Variants in PKP4 observed in about 807,000 individuals in gnomAD.
The protein encoded by PKP4 is plakophilin 4.
PKP4 carries 90 observed loss-of-function variants against 145.1 expected under a neutral mutation model. The observed-to-expected ratio is 0.62, with a 90% CI of 0.52 to 0.74. The LOEUF is 0.74. Among genes scored for constraint, PKP4 ranks in the 30% least tolerant of loss-of-function variants. The pLI is 0.00. For synonymous variants in PKP4, 563 were observed against 577.2 expected (o/e 0.98, Z 0.35); for missense variants, 1,340 against 1,482.7 (o/e 0.90, Z 1.58).
At position 158,676,862 on chromosome 2, in the gene PKP4, A is replaced by G. The variant is rs2058055428; in HGVS notation, c.3251A>G (p.Tyr1084Cys). ...GGGGATGCCACACATAAAGGCCTGT[A>G]CCCTGGTAAGACGCCAGTTGGGTGT... ...SQGDATHKGL[Y>C]PGSSKPSPIY... Residue 1084 changes from tyrosine (Y) to cysteine (C), a missense_variant, in exon 20 of 22, where the codon TAC becomes TGC. Transcript: ENST00000389759. 1 of 1,613,940 alleles carries G rather than the reference A, an allele frequency of 6.2e-7. No individual in the cohort carries two copies. The highest frequency in any genetic ancestry group is 8.5e-7 in the Non-Finnish European group (1 of 1,179,974).
At chr2:158,644,685 C>T (rs544283374) in intron 11 of PKP4, among the ~76,000 whole-genome samples, 14 of 152,218 alleles carry the variant, frequency 9.2e-5, no homozygotes, top group Admixed American at 2.0e-4. Context: ...GATATATGCA[C>T]ATGCAATAAA....
At chr2:158,555,138 G>A (rs1042624085) in intron 2 of PKP4, among the ~76,000 whole-genome samples, 1 of 152,290 alleles carries the variant, frequency 6.6e-6, no homozygotes, top group Middle Eastern at 3.4e-3. Context: ...AAGGCAACAT[G>A]CAACATCAGC....
At chr2:158,515,781 C>T (rs1189136984) in intron 1 of PKP4, among the ~76,000 whole-genome samples, 1 of 152,054 alleles carries the variant, frequency 6.6e-6, no homozygotes. Context: ...CCTGGTGGTG[C>T]ACACCTGTAA....
Position 158,680,894 on chromosome 2 carries a change from T to TTA in PKP4, c.*220_*221dup. 3 of 493,428 alleles carry TTA rather than the reference T, an allele frequency of 6.1e-6. No individual in the cohort carries two copies. Among genetic ancestry groups the TTA allele is most frequent in the Non-Finnish European group, 1.1e-5 (3 of 282,168 alleles). The allele number at this position is 493,428 out of a possible 1,614,324, so 30.6% of individuals were successfully genotyped here. On this transcript the variant is annotated 3_prime_UTR_variant, in exon 22 of 22. Transcript: ENST00000389759. ...CTATTTAGGTGTTAGATCTAATTAC[T>TTA]TATAGATTCTGTAGTCTGGTGAAGG...
At chr2:158,671,861 A>T (rs1381287929) in intron 17 of PKP4, among the ~76,000 whole-genome samples, 1 of 152,236 alleles carries the variant, frequency 6.6e-6, no homozygotes, top group Non-Finnish European at 1.5e-5. Context: ...CTAGTCAATG[A>T]AGGCCTTGCA....
At chr2:158,523,156 G>A (rs1414518743) in intron 1 of PKP4, among the ~76,000 whole-genome samples, 3 of 152,032 alleles carry the variant, frequency 2.0e-5, no homozygotes, top group African/African-American at 4.8e-5. Flanking sequence ...GCCTGCCTCT[G>A]TAGGCTCCAC....
chr2:158,589,486 G>A (rs560166615), intron 3 of PKP4, among the ~76,000 whole-genome samples: 29 of 152,216 alleles, frequency 1.9e-4, no homozygotes, highest in African/African-American at 6.7e-4. Flanking sequence ...GAGAGTCCTC[G>A]TCTCCAGCCC....
At chr2:158,626,705 C>A (rs1409198635) in intron 7 of PKP4, among the ~76,000 whole-genome samples, 2 of 152,288 alleles carry the variant, frequency 1.3e-5, no homozygotes, top group East Asian at 1.9e-4. Context: ...CTTTGCCAAT[C>A]TGATAGGTAA....
chr2:158,586,521 A>G (rs2048816753), intron 3 of PKP4, among the ~76,000 whole-genome samples: 1 of 152,228 alleles, frequency 6.6e-6, no homozygotes. Flanking sequence ...ATTCAGACTA[A>G]ATGAAGAATA....
At chr2:158,474,853 A>G (rs1280357631) in intron 1 of PKP4, among the ~76,000 whole-genome samples, 1 of 152,208 alleles carries the variant, frequency 6.6e-6, no homozygotes, top group Non-Finnish European at 1.5e-5. Context: ...AGAGCCCTCA[A>G]GAGGTATGAA....
intron 9 of PKP4, among the ~76,000 whole-genome samples, chr2:158,639,859 C>T (rs1050958698): frequency 2.0e-5 from 3 of 152,120 alleles, no homozygotes; most frequent in African/African-American, 4.8e-5. Context: ...AGGCGCATGG[C>T]CTTTCTGCCT....
At position 158,669,797 on chromosome 2, in the gene PKP4, G is replaced by A. The variant is rs2057406063; in HGVS notation, c.2806G>A (p.Ala936Thr). The A allele has an allele frequency of 6.2e-7, 1 of 1,613,774 alleles. No individual in the cohort carries two copies. Among genetic ancestry groups the A allele is most frequent in the African/African-American group, 1.3e-5 (1 of 74,944 alleles). The stretch of plus-strand genomic sequence containing the variant: ...CAGTGTCTTGTCTGATGAGACCATG[G>A]CAGCCATCTGCTGTGCTCTGCACGA... ...GPSVLSDETM[A>T]AICCALHEVT... Residue 936 changes from alanine (A) to threonine (T), a missense_variant, in exon 17 of 22, where the codon GCA becomes ACA. Transcript: ENST00000389759.
intron 1 of PKP4, among the ~76,000 whole-genome samples, chr2:158,468,343 C>T (rs1187668806): frequency 1.3e-5 from 2 of 152,082 alleles, no homozygotes; most frequent in Non-Finnish European, 2.9e-5. Flanking sequence ...TACTGTTTTA[C>T]AAATAGTACT....
intron 4 of PKP4, among the ~76,000 whole-genome samples, chr2:158,608,457 C>A (rs539711182): frequency 6.6e-6 from 1 of 152,250 alleles, no homozygotes; most frequent in East Asian, 1.9e-4. Context: ...TGGCTAATCT[C>A]CCCTCGCCAC....
chr2:158,606,822 T>C (rs2050696634), intron 4 of PKP4, among the ~76,000 whole-genome samples: 1 of 152,226 alleles, frequency 6.6e-6, no homozygotes, highest in Admixed American at 6.5e-5. Context: ...GCAAACATCC[T>C]TGCCCTCTTA....
At chr2:158,570,033 A>G (rs1192277789) in intron 2 of PKP4, among the ~76,000 whole-genome samples, 2 of 152,224 alleles carry the variant, frequency 1.3e-5, no homozygotes, top group Non-Finnish European at 2.9e-5. Flanking sequence ...GATTGACATC[A>G]TATGCCCAGC....
intron 17 of PKP4, among the ~76,000 whole-genome samples, chr2:158,672,326 C>G (rs1005479011): frequency 6.6e-6 from 1 of 152,196 alleles, no homozygotes; most frequent in Non-Finnish European, 1.5e-5. Flanking sequence ...ATCTTCCTTG[C>G]TTTTCTCATG....
At chr2:158,562,909 A>G (rs2046668224) in intron 2 of PKP4, among the ~76,000 whole-genome samples, 1 of 152,156 alleles carries the variant, frequency 6.6e-6, no homozygotes, top group African/African-American at 2.4e-5. Flanking sequence ...TAGATATAAG[A>G]TTACGGTTGA....
intron 2 of PKP4, among the ~76,000 whole-genome samples, chr2:158,553,856 C>G (rs1248378613): frequency 6.6e-6 from 1 of 151,990 alleles, no homozygotes; most frequent in Non-Finnish European, 1.5e-5. Flanking sequence ...TCAAGTCTCC[C>G]CTGTACCTGA....
Sources: gnomAD v4.1 joint callset for allele counts (sites outside exome capture counted in the v4.1 genomes callset) on GRCh38, gnomAD v4.1.1 for gene constraint, MANE v1.5 for transcripts, NCBI Gene and HGNC (gene_info 2026-07-23, HGNC 2026-07-21) for gene names.